CSMD1: variants seen among roughly 807,000 people sequenced by gnomAD.
CSMD1 encodes the protein CUB and Sushi multiple domains 1.
In CSMD1, 213 loss-of-function variants were observed where a neutral mutation model predicts 417.5. The observed-to-expected ratio is 0.51, with a 90% confidence interval of 0.46 to 0.57. The LOEUF (loss-of-function observed/expected upper bound fraction) is 0.57. Among genes scored for constraint, CSMD1 ranks in the 20% least tolerant of loss-of-function variants. The pLI is 0.00. For missense variants in CSMD1, 6,923 were observed against 4,529.7 expected (o/e 1.53, Z -15.17); for synonymous variants, 2,862 against 1,736.8 (o/e 1.65, Z -16.11).
chr8:3,302,102 G>A (rs546318008), intron 25 of CSMD1, among the ~76,000 whole-genome samples: 6 of 152,178 alleles, frequency 3.9e-5, no homozygotes, highest in Admixed American at 1.3e-4. Flanking sequence ...AAAGTCTCCC[G>A]CCCCTTGGAG....
intron 1 of CSMD1, among the ~76,000 whole-genome samples, chr8:4,900,321 T>C (rs1355667181): frequency 1.3e-5 from 2 of 152,192 alleles, no homozygotes; most frequent in Non-Finnish European, 1.5e-5. Flanking sequence ...TTAGGCTCCA[T>C]GAATAGCTAC....
At chr8:4,311,861 C>T (rs111841350) in intron 3 of CSMD1, among the ~76,000 whole-genome samples, 2 of 152,040 alleles carry the variant, frequency 1.3e-5, no homozygotes, top group Non-Finnish European at 2.9e-5. Flanking sequence ...CTGTTAGGTA[C>T]TGGGTATAAT....
chr8:2,960,407 T>A (rs537939791), intron 62 of CSMD1, among the ~76,000 whole-genome samples: 1 of 152,350 alleles, frequency 6.6e-6, no homozygotes, highest in Non-Finnish European at 1.5e-5. Flanking sequence ...GAAGGTTTTT[T>A]ATTCTTAATT....
chr8:3,455,361 G>A (rs767078410), intron 12 of CSMD1, among the ~76,000 whole-genome samples: 45 of 152,326 alleles, frequency 3.0e-4, no homozygotes, highest in Admixed American at 8.5e-4. Flanking sequence ...GTGAGGAGCT[G>A]CTTTCCTTTG....
intron 3 of CSMD1, among the ~76,000 whole-genome samples, chr8:4,327,549 G>A (rs1199847656): frequency 1.3e-5 from 2 of 152,062 alleles, no homozygotes; most frequent in African/African-American, 4.8e-5. Flanking sequence ...TCCAATGTTG[G>A]CTTTCCTGTG....
At chr8:4,209,737 T>C (rs949328805) in intron 3 of CSMD1, among the ~76,000 whole-genome samples, 77 of 152,312 alleles carry the variant, frequency 5.1e-4, no homozygotes, top group African/African-American at 1.7e-3. Flanking sequence ...CCAGATGTCC[T>C]GCTCCTAGCA....
intron 1 of CSMD1, among the ~76,000 whole-genome samples, chr8:4,860,936 A>G (rs974785752): frequency 6.6e-6 from 1 of 152,054 alleles, no homozygotes; most frequent in Non-Finnish European, 1.5e-5. Flanking sequence ...CTCAAACTTC[A>G]GCTCTGATAT....
At chr8:4,286,118 C>T (rs1402089450) in intron 3 of CSMD1, among the ~76,000 whole-genome samples, 1 of 152,032 alleles carries the variant, frequency 6.6e-6, no homozygotes, top group Non-Finnish European at 1.5e-5. Context: ...TTCACGTTAA[C>T]GATATGCGCA....
At chr8:4,539,657 A>C (rs1797284628) in intron 2 of CSMD1, among the ~76,000 whole-genome samples, 1 of 152,202 alleles carries the variant, frequency 6.6e-6, no homozygotes, top group African/African-American at 2.4e-5. Context: ...TGGTAAAATA[A>C]CTGAGAATAT....
At chr8:3,338,589 C>G (rs1008827) in intron 23 of CSMD1, among the ~76,000 whole-genome samples, 9 of 151,948 alleles carry the variant, frequency 5.9e-5, no homozygotes, top group Non-Finnish European at 1.3e-4. Flanking sequence ...CTGTTGTTGC[C>G]AAGTGCCTGG....
At chr8:4,093,372 T>G (rs1800821056) in intron 3 of CSMD1, among the ~76,000 whole-genome samples, 1 of 152,176 alleles carries the variant, frequency 6.6e-6, no homozygotes, top group South Asian at 2.1e-4. Flanking sequence ...AATTTTATAT[T>G]TAACGTGATA....
chr8:3,864,418 T>C (rs906788868), intron 5 of CSMD1, among the ~76,000 whole-genome samples: 5 of 152,114 alleles, frequency 3.3e-5, no homozygotes, highest in Non-Finnish European at 7.4e-5. Flanking sequence ...AGAAAAAGCA[T>C]GAGAAGAAAG....
At chr8:3,824,149 C>G (rs754564569) in intron 5 of CSMD1, among the ~76,000 whole-genome samples, 1 of 151,606 alleles carries the variant, frequency 6.6e-6, no homozygotes, top group Non-Finnish European at 1.5e-5. Context: ...CCAGCCGAGT[C>G]AAACATTCCA....
intron 3 of CSMD1, among the ~76,000 whole-genome samples, chr8:4,278,565 T>C (rs1415471157): frequency 6.6e-6 from 1 of 152,206 alleles, no homozygotes; most frequent in Non-Finnish European, 1.5e-5. Context: ...AACAAAACGT[T>C]AGATAACATA....
At chr8:3,430,430 G>C (rs1231627660) in intron 12 of CSMD1, among the ~76,000 whole-genome samples, 3 of 152,116 alleles carry the variant, frequency 2.0e-5, no homozygotes, top group Non-Finnish European at 2.9e-5. Context: ...CAAATTGTCT[G>C]ACATATGTAG....
intron 54 of CSMD1, among the ~76,000 whole-genome samples, chr8:2,980,348 C>T (rs558030597): frequency 1.1e-3 from 169 of 151,012 alleles, no homozygotes; most frequent in Non-Finnish European, 9.9e-4. Context: ...TCCTCCATTT[C>T]CTCCTCCACC....
intron 6 of CSMD1, among the ~76,000 whole-genome samples, chr8:3,711,023 G>A (rs1801478347): frequency 6.6e-6 from 1 of 152,100 alleles, no homozygotes; most frequent in African/African-American, 2.4e-5. Flanking sequence ...CAAGAGCGGT[G>A]AGAAACACAT....
At position 4,195,321 on chromosome 8, in the gene CSMD1, A is replaced by G. The variant is rs143059667; in HGVS notation, c.416-163222T>C. The stretch of plus-strand genomic sequence containing the variant: ...TAATATTAATAGGCAGAAAAGGCAA[A>G]TTCTATAGAACAGGATAAGTTAACA... On this transcript the variant is annotated intron_variant, in intron 3 of 69. Coordinates refer to ENST00000635120, the MANE Select transcript of CSMD1 (RefSeq NM_033225.6). Among the ~76,000 whole-genome samples, 860 of 152,310 alleles carry G rather than the reference A, an allele frequency of 5.6e-3. 22 individuals carry two copies. Among genetic ancestry groups the G allele is most frequent in the Admixed American group, 0.045 (687 of 15,302 alleles).
intron 5 of CSMD1, among the ~76,000 whole-genome samples, chr8:3,830,340 T>G (rs1351432191): frequency 6.6e-6 from 1 of 152,242 alleles, no homozygotes; most frequent in Non-Finnish European, 1.5e-5. Flanking sequence ...GATTGGTCGT[T>G]GGTTCACATC....
Sources: gnomAD v4.1 joint callset for allele counts (sites outside exome capture counted in the v4.1 genomes callset) on GRCh38, gnomAD v4.1.1 for gene constraint, MANE v1.5 for transcripts, NCBI Gene and HGNC (gene_info 2026-07-23, HGNC 2026-07-21) for gene names.